FNBP1: variants seen among roughly 807,000 people sequenced by gnomAD.
The protein encoded by FNBP1 is formin binding protein 1.
In FNBP1, 26 loss-of-function variants were observed where a neutral mutation model predicts 90.6. The ratio of observed to expected loss-of-function variants is 0.29; its 90% CI spans 0.21 to 0.40. The LOEUF (loss-of-function observed/expected upper bound fraction) is 0.40. FNBP1 is among the 10% of genes least tolerant of loss of function. The pLI, the probability that FNBP1 is intolerant of heterozygous loss-of-function variation, is 1.00. For missense variants in FNBP1, 635 were observed against 768.0 expected (o/e 0.83, Z 2.05); for synonymous variants, 260 against 265.2 (o/e 0.98, Z 0.19).
intron 4 of FNBP1, among the ~76,000 whole-genome samples, chr9:129,971,038 A>G (rs1588974535): frequency 6.7e-6 from 1 of 149,872 alleles, no homozygotes; most frequent in African/African-American, 2.4e-5. Context: ...GGCGCACACC[A>G]CCACACCCAG....
intron 2 of FNBP1, among the ~76,000 whole-genome samples, chr9:129,989,533 A>C (rs2052792996): frequency 6.6e-6 from 1 of 151,938 alleles, no homozygotes; most frequent in African/African-American, 2.4e-5. Flanking sequence ...GCACTATGAC[A>C]CATTAGTGAG....
intron 13 of FNBP1, among the ~76,000 whole-genome samples, chr9:129,901,545 GAATAAT>G (rs981659815): frequency 5.4e-4 from 82 of 151,980 alleles, no homozygotes; most frequent in African/African-American, 1.9e-3. Flanking sequence ...TCAAAAAAAA[GAATAAT>G]AATAAGAAAA....
At chr9:129,904,036 C>CAAACAAAACA (rs368301132) in intron 12 of FNBP1, among the ~76,000 whole-genome samples, 1 of 152,116 alleles carries the variant, frequency 6.6e-6, no homozygotes, top group South Asian at 2.1e-4. Flanking sequence ...GACTCCATCT[C>CAAACAAAACA]AAACAAAACA....
In FNBP1 at chr9:129,952,382, C is replaced by G. The variant is rs541051972; in HGVS notation, c.513+4978G>C. Among the ~76,000 whole-genome samples the G allele has an allele frequency of 5.9e-5, 9 of 152,048 alleles. No individual in the cohort carries two copies. The East Asian group carries it at 1.2e-3, about 20-fold the overall frequency. Reference sequence around the variant, plus strand: ...GGTGTGGTGGCAGGCACCTTAATCTCAGCTACTTGGGAGGCTGAGGCAGGG... The same window carrying G: ...GGTGTGGTGGCAGGCACCTTAATCTGAGCTACTTGGGAGGCTGAGGCAGGG... On this transcript the variant is annotated intron_variant, in intron 6 of 16. Transcript: ENST00000446176.
At chr9:130,026,778 C>A (rs1212859668) in intron 1 of FNBP1, among the ~76,000 whole-genome samples, 1 of 151,726 alleles carries the variant, frequency 6.6e-6, no homozygotes, top group African/African-American at 2.4e-5. Context: ...CATGGCAAAA[C>A]CCTGTCTCTA....
intron 1 of FNBP1, among the ~76,000 whole-genome samples, chr9:130,037,558 T>C (rs2059431009): frequency 6.6e-6 from 1 of 152,194 alleles, no homozygotes; most frequent in Non-Finnish European, 1.5e-5. Flanking sequence ...TAAAGTGTTC[T>C]TATATAAAGA....
intron 6 of FNBP1, among the ~76,000 whole-genome samples, chr9:129,949,873 C>T (rs2045906128): frequency 6.6e-6 from 1 of 152,096 alleles, no homozygotes; most frequent in African/African-American, 2.4e-5. Flanking sequence ...TGAACGTATG[C>T]TTATAGTTCA....
intron 4 of FNBP1, among the ~76,000 whole-genome samples, chr9:129,976,733 T>C (rs1047756813): frequency 6.6e-6 from 1 of 152,210 alleles, no homozygotes; most frequent in Non-Finnish European, 1.5e-5. Flanking sequence ...TATGCTCTCA[T>C]AGCACGTTCT....
chr9:129,907,580 GGT>G (rs55973122), intron 12 of FNBP1, among the ~76,000 whole-genome samples: 1,813 of 147,148 alleles, frequency 0.012, 22 homozygotes, highest in Middle Eastern at 0.034. Context: ...TAGGAGTGAG[GGT>G]GTGTGTGTGT....
intron 6 of FNBP1, among the ~76,000 whole-genome samples, chr9:129,942,140 T>C (rs2044420753): frequency 6.6e-6 from 1 of 151,222 alleles, no homozygotes; most frequent in South Asian, 2.1e-4. Context: ...CCTAGAATTC[T>C]ATATCTAGCT....
intron 7 of FNBP1, 100 bp downstream of exon 7, chr9:129,929,467 A>G (rs1048900874): frequency 6.6e-6 from 7 of 1,055,588 alleles, no homozygotes; most frequent in Admixed American, 2.2e-5. Flanking sequence ...ATAAAGACTC[A>G]GACTCAGAAT....
intron 1 of FNBP1, among the ~76,000 whole-genome samples, chr9:130,035,119 A>C (rs2059193534): frequency 6.6e-6 from 1 of 152,250 alleles, no homozygotes; most frequent in East Asian, 1.9e-4. Flanking sequence ...ACTGCACCCC[A>C]GCCTGGGCAA....
intron 12 of FNBP1, among the ~76,000 whole-genome samples, chr9:129,905,292 G>GTATATATA (rs71497501): frequency 8.2e-4 from 46 of 56,270 alleles, no homozygotes; most frequent in South Asian, 6.3e-3. Flanking sequence ...GTGTGTGTGT[G>GTATATATA]TGTATATATA....
At chr9:129,939,203 A>C (rs1056553175) in intron 6 of FNBP1, among the ~76,000 whole-genome samples, 1 of 152,068 alleles carries the variant, frequency 6.6e-6, no homozygotes, top group African/African-American at 2.4e-5. Context: ...AGCCTGACCA[A>C]TATGATGAAA....
In FNBP1 at chr9:129,988,344, CCT is replaced by C. The variant is rs2052612981; in HGVS notation, c.140+6497_140+6498del. 8.6e-5 allele frequency among the ~76,000 whole-genome samples: 13 copies of C among 151,404 alleles called. 1 individual carries two copies. The highest frequency in any genetic ancestry group is 2.9e-4 in the African/African-American group (12 of 40,820). ...CTATACTACCTTGAATAGATAGTGA[CCT>C]CAGGGGTTGGCAAACTTTTTCTGTA... On this transcript the variant is annotated intron_variant, in intron 2 of 16. Coordinates refer to ENST00000446176, the MANE Select transcript of FNBP1 (RefSeq NM_015033.3).
intron 2 of FNBP1, among the ~76,000 whole-genome samples, chr9:129,992,238 G>A (rs1180441143): frequency 2.0e-5 from 3 of 152,152 alleles, no homozygotes; most frequent in Admixed American, 6.5e-5. Context: ...GAGCTCGCAC[G>A]TAGCCCATTT....
intron 2 of FNBP1, among the ~76,000 whole-genome samples, chr9:129,994,193 G>A (rs1333804113): frequency 6.6e-6 from 1 of 152,174 alleles, no homozygotes; most frequent in Admixed American, 6.5e-5. Context: ...GAACGGATGA[G>A]TTCTGGTGCA....
chr9:129,922,204 G>A (rs145600152), intron 10 of FNBP1, among the ~76,000 whole-genome samples: 1 of 151,450 alleles, frequency 6.6e-6, no homozygotes, highest in African/African-American at 2.4e-5. Flanking sequence ...GACTAGACTG[G>A]CCATTGAGAA....
intron 7 of FNBP1, among the ~76,000 whole-genome samples, chr9:129,929,225 C>T (rs1037051288): frequency 1.3e-5 from 2 of 152,040 alleles, no homozygotes; most frequent in African/African-American, 4.8e-5. Context: ...GCCTGGCCAA[C>T]ATGGCAAAAC....
Sources: gnomAD v4.1 joint callset for allele counts (sites outside exome capture counted in the v4.1 genomes callset) on GRCh38, gnomAD v4.1.1 for gene constraint, MANE v1.5 for transcripts, NCBI Gene and HGNC (gene_info 2026-07-23, HGNC 2026-07-21) for gene names.